The following RNF32 variants were observed in gnomAD, a reference collection of about 807,000 sequenced individuals.
RNF32 encodes ring finger protein 32.
A neutral mutation model predicts 41.0 loss-of-function variants in RNF32; 36 were observed. That is an observed-to-expected ratio of 0.88 (90% CI 0.67 to 1.16). The LOEUF (loss-of-function observed/expected upper bound fraction) is 1.16. Ranked by LOEUF, RNF32 falls within the 50% of genes most tolerant of loss-of-function variation. The pLI is 0.00. For synonymous variants in RNF32, 154 were observed against 160.9 expected (o/e 0.96, Z 0.32); for missense variants, 413 against 436.7 (o/e 0.95, Z 0.48).
intron 3 of RNF32, among the ~76,000 whole-genome samples, chr7:156,651,211 A>C (rs1450941033): frequency 7.0e-6 from 1 of 142,924 alleles, no homozygotes; most frequent in Non-Finnish European, 1.5e-5. Context: ...TATTTTTAAT[A>C]TTTCTTTTTT....
intron 4 of RNF32, among the ~76,000 whole-genome samples, chr7:156,655,828 G>T (rs1403961573): frequency 1.3e-5 from 2 of 152,076 alleles, no homozygotes; most frequent in African/African-American, 4.8e-5. Context: ...AAGCCAGAGG[G>T]TGTCTTTCTG....
rs1224526516 is a variant in RNF32 at position 156,676,730 on chromosome 7, T to C, written c.*75T>C. On this transcript the variant is annotated 3_prime_UTR_variant, in exon 9 of 9. Coordinates refer to ENST00000317955, the MANE Select transcript of RNF32 (RefSeq NM_030936.4). ...CATTTTGGATGAACTGCATGAGTTC[T>C]GGGTTAAGTACTACAATGTAATCTG... is the stretch of plus-strand genomic sequence containing the variant. 2 of 1,038,490 alleles carry C rather than the reference T, an allele frequency of 1.9e-6. No individual in the cohort carries two copies. The highest frequency in any genetic ancestry group is 1.6e-5 in the African/African-American group (1 of 63,962). 64.3% of individuals were successfully genotyped at this position (1,038,490 alleles called of 1,614,324 possible).
chr7:156,664,161 T>C (rs1034117634), intron 7 of RNF32, among the ~76,000 whole-genome samples: 22 of 152,326 alleles, frequency 1.4e-4, no homozygotes, highest in African/African-American at 5.1e-4. Flanking sequence ...TTCTGAAGGC[T>C]ATAGAAAAAC....
At chr7:156,653,742 G>A (rs909014717) in intron 3 of RNF32, among the ~76,000 whole-genome samples, 2 of 152,232 alleles carry the variant, frequency 1.3e-5, no homozygotes, top group African/African-American at 4.8e-5. Flanking sequence ...GCTCGATGCC[G>A]AGACAGCACA....
In RNF32 at chr7:156,670,090, TTA is replaced by T. The variant is rs1477568481; in HGVS notation, c.685-5604_685-5603del. On this transcript the variant is annotated intron_variant, in intron 7 of 8. Coordinates refer to ENST00000317955, the MANE Select transcript of RNF32 (RefSeq NM_030936.4). The surrounding 1 kb of genome is among the most constrained non-coding windows in gnomAD (Gnocchi z 4.3). Reference sequence around the variant, plus strand: ...CTAAGAAAAAATTAAATTATAAATTTTATGACTTTCACAGTGCATCTTTACAC... The same window carrying T: ...CTAAGAAAAAATTAAATTATAAATTTTGACTTTCACAGTGCATCTTTACAC... Among the ~76,000 whole-genome samples the T allele has an allele frequency of 2.0e-5, 3 of 152,262 alleles. No individual in the cohort carries two copies. Among genetic ancestry groups the T allele is most frequent in the Non-Finnish European group, 4.4e-5 (3 of 68,040 alleles).
chr7:156,660,191 G>A (rs920199964), intron 7 of RNF32: 18 of 985,502 alleles, frequency 1.8e-5, no homozygotes, highest in South Asian at 4.7e-5. Flanking sequence ...TGTCCTGCCC[G>A]TTCCTACTGG....
intron 4 of RNF32, 103 bp from the exon 5 acceptor site, chr7:156,657,438 G>A: frequency 8.6e-7 from 1 of 1,167,082 alleles, no homozygotes; most frequent in Non-Finnish European, 1.3e-6. Flanking sequence ...CTTTTTTAAA[G>A]AAATAATACA....
At chr7:156,655,495 G>A (rs1799513724) in intron 4 of RNF32, among the ~76,000 whole-genome samples, 1 of 152,154 alleles carries the variant, frequency 6.6e-6, no homozygotes, top group Non-Finnish European at 1.5e-5. Context: ...TCAGAGATTT[G>A]CTGAGAAAAC....
intron 7 of RNF32, among the ~76,000 whole-genome samples, chr7:156,668,683 C>T (rs912273492): frequency 1.3e-5 from 2 of 152,232 alleles, no homozygotes; most frequent in Admixed American, 6.5e-5. Flanking sequence ...GCACGCTTTC[C>T]ATCGTCAGCG....
chr7:156,659,494 G>GT, intron 7 of RNF32: 1 of 985,302 alleles, frequency 1.0e-6, no homozygotes, highest in African/African-American at 1.7e-5. Flanking sequence ...TTGACAGTCA[G>GT]TTGTGTTCTC....
chr7:156,644,394 T>C (rs1372263426), intron 2 of RNF32, 105 bp from the exon 3 acceptor site: 2 of 837,838 alleles, frequency 2.4e-6, no homozygotes, highest in Admixed American at 5.0e-5. Flanking sequence ...TACTATTTGA[T>C]TTGGTTGTAT....
rs118156345 is a variant in RNF32, at chr7:156,669,992, T to C, written c.685-5704T>C. Reference sequence around the variant, plus strand: ...CATCCAAGTACTAAAAGTATAAAGCTGTATGTACTTCTGTGGCCTCTCTCT... The same window carrying C: ...CATCCAAGTACTAAAAGTATAAAGCCGTATGTACTTCTGTGGCCTCTCTCT... On this transcript the variant is annotated intron_variant, in intron 7 of 8. Transcript: ENST00000317955. This position sits in a 1 kb window ranked among gnomAD's most constrained non-coding sequence, Gnocchi z 4.2. 3.3e-5 allele frequency among the ~76,000 whole-genome samples: 5 copies of C among 152,350 alleles called. No individual in the cohort carries two copies. The East Asian group carries it at 9.6e-4, about 29-fold the overall frequency.
At chr7:156,672,107 A>G (rs1047869907) in intron 7 of RNF32, among the ~76,000 whole-genome samples, 1 of 152,184 alleles carries the variant, frequency 6.6e-6, no homozygotes, top group African/African-American at 2.4e-5. Flanking sequence ...TATCCTAAGC[A>G]TTTATTTGCT....
chr7:156,654,810 T>C lies in RNF32; in HGVS notation c.417+92T>C, dbSNP rs1440607520. 5.6e-6 allele frequency: 7 copies of C among 1,258,746 alleles called. No individual in the cohort carries two copies. The African/African-American group carries it at 5.9e-5, about 11-fold the overall frequency. 78.0% of individuals were successfully genotyped at this position (1,258,746 alleles called of 1,614,324 possible). ...GGAGCCTAAGATTCCAAGCTTCCTT[T>C]TTCCAGTTTCATCCTCCTGTGTGAG... On this transcript the variant is annotated intron_variant, in intron 4 of 8. Transcript: ENST00000317955.
rs1167970801 is a variant in RNF32 at position 156,649,692 on chromosome 7, CCTT to C, written c.275-4883_275-4881del. Among the ~76,000 whole-genome samples, 10 of 152,028 alleles carry C rather than the reference CCTT, an allele frequency of 6.6e-5. No individual in the cohort carries two copies. In the East Asian group the frequency reaches 1.7e-3, roughly 26 times the overall value. ...TGAGCGTGTTTGTTGTGGGTTTTCTCCTTGAGTTTGTTTGTGCCGTAAATTACA... is the reference window on the plus strand; with the variant it reads ...TGAGCGTGTTTGTTGTGGGTTTTCTCGAGTTTGTTTGTGCCGTAAATTACA... On this transcript the variant is annotated intron_variant, in intron 3 of 8. Transcript: ENST00000317955.
intron 1 of RNF32, among the ~76,000 whole-genome samples, chr7:156,642,288 A>C (rs890622117): frequency 9.2e-5 from 14 of 152,226 alleles, no homozygotes; most frequent in Non-Finnish European, 1.8e-4. Flanking sequence ...AAACATCGCC[A>C]AACTTCTAAA....
chr7:156,664,800 T>A (rs1199611232), intron 7 of RNF32, among the ~76,000 whole-genome samples: 1 of 152,212 alleles, frequency 6.6e-6, no homozygotes, highest in Non-Finnish European at 1.5e-5. Context: ...TAGTATACTA[T>A]TAACAAGTTT....
chr7:156,659,815 C>G (rs1800337139), intron 7 of RNF32: 1 of 760,492 alleles, frequency 1.3e-6, no homozygotes, highest in African/African-American at 1.9e-5. Context: ...TAAGTTTCAG[C>G]GTTCAGTGCT....
chr7:156,665,654 C>T (rs1305723526), intron 7 of RNF32, among the ~76,000 whole-genome samples: 1 of 151,904 alleles, frequency 6.6e-6, no homozygotes. Context: ...GTTAAAGGTA[C>T]GTCAGCGTCA....
Sources: gnomAD v4.1 joint callset for allele counts (sites outside exome capture counted in the v4.1 genomes callset) on GRCh38, gnomAD v4.1.1 for gene constraint, Gnocchi (gnomAD v3.1) non-coding constraint, MANE v1.5 for transcripts, NCBI Gene and HGNC (gene_info 2026-07-23, HGNC 2026-07-21) for gene names.